Variants in CYFIP2 observed in about 807,000 individuals in gnomAD.
CYFIP2 encodes cytoplasmic FMR1-interacting protein 2.
In CYFIP2, 29 loss-of-function variants were observed where a neutral mutation model predicts 158.7. The ratio of observed to expected loss-of-function variants is 0.18; its 90% CI spans 0.14 to 0.25. The LOEUF (loss-of-function observed/expected upper bound fraction) is 0.25, where lower values mean the gene tolerates loss of function less well. Ranked by LOEUF, CYFIP2 falls within the 10% of genes least tolerant of loss-of-function variation. The pLI is 1.00. For missense variants in CYFIP2, 852 were observed against 1,639.5 expected (o/e 0.52, Z 8.29); for synonymous variants, 585 against 617.6 (o/e 0.95, Z 0.78).
chr5:157,373,292 G>A (rs976187270), intron 26 of CYFIP2, among the ~76,000 whole-genome samples: 3 of 152,208 alleles, frequency 2.0e-5, no homozygotes, highest in Admixed American at 6.5e-5. Flanking sequence ...ATCAGGGCAA[G>A]ACTGAATCCC....
intron 9 of CYFIP2, among the ~76,000 whole-genome samples, chr5:157,308,351 C>A (rs962049062): frequency 6.6e-6 from 1 of 152,160 alleles, no homozygotes; most frequent in Non-Finnish European, 1.5e-5. Context: ...CCTCAGCTTG[C>A]CCTTACCTCT....
chr5:157,313,481 A>G (rs1381705047), intron 11 of CYFIP2, among the ~76,000 whole-genome samples: 1 of 152,246 alleles, frequency 6.6e-6, no homozygotes, highest in African/African-American at 2.4e-5. Flanking sequence ...GCACAAAAAT[A>G]TAGAAAACAT....
At chr5:157,284,524 A>G (rs914747615) in intron 1 of CYFIP2, among the ~76,000 whole-genome samples, 4 of 152,188 alleles carry the variant, frequency 2.6e-5, no homozygotes, top group Non-Finnish European at 5.9e-5. Flanking sequence ...ATTAGTTTTT[A>G]AGCAGTGTTT....
At chr5:157,292,390 T>C (rs548043315) in intron 3 of CYFIP2, among the ~76,000 whole-genome samples, 219 of 152,194 alleles carry the variant, frequency 1.4e-3, no homozygotes, top group African/African-American at 4.9e-3. Flanking sequence ...CGGCTAACTT[T>C]GTATTTTTAG....
intron 8 of CYFIP2, among the ~76,000 whole-genome samples, chr5:157,305,444 C>A (rs1213843898): frequency 6.6e-6 from 1 of 152,204 alleles, no homozygotes; most frequent in African/African-American, 2.4e-5. Context: ...TTTGGAAAAT[C>A]TGGAATATAC....
In CYFIP2 at chr5:157,311,141, A is replaced by G; in HGVS notation, c.993-523A>G. 2.2e-6 allele frequency: 1 copy of G among 453,680 alleles called. No homozygotes were observed. Among genetic ancestry groups the G allele is most frequent in the Non-Finnish European group, 4.4e-6 (1 of 226,268 alleles). The allele number at this position is 453,680 out of a possible 1,614,324, so 28.1% of individuals were successfully genotyped here. On this transcript the variant is annotated intron_variant, in intron 10 of 30. Transcript: ENST00000620254. The surrounding 1 kb of genome is among the most constrained non-coding windows in gnomAD (Gnocchi z 4.7). ...GGGAGGGGCCACCCCCACGTCTCAGAGTGGCCCTGGCTTCTCCCACCACAG... is the reference window on the plus strand; with the variant it reads ...GGGAGGGGCCACCCCCACGTCTCAGGGTGGCCCTGGCTTCTCCCACCACAG...
intron 4 of CYFIP2, 51 bp downstream of exon 4, chr5:157,294,911 AC>A (rs1758130722): frequency 6.8e-7 from 1 of 1,463,956 alleles, no homozygotes; most frequent in South Asian, 1.2e-5. Context: ...GGCATTACTA[AC>A]CCCTACTTCA....
chr5:157,367,490 C>T (rs909307593), intron 26 of CYFIP2, among the ~76,000 whole-genome samples: 4 of 152,154 alleles, frequency 2.6e-5, no homozygotes, highest in Admixed American at 6.5e-5. Context: ...TGGATGAAAA[C>T]CAGATGTGCC....
At chr5:157,367,504 G>T (rs1205270023) in intron 26 of CYFIP2, among the ~76,000 whole-genome samples, 1 of 152,186 alleles carries the variant, frequency 6.6e-6, no homozygotes, top group Non-Finnish European at 1.5e-5. Flanking sequence ...ATGTGCCTTG[G>T]AGTCCAAAGA....
At chr5:157,303,589 G>A (rs1432156820) in intron 7 of CYFIP2, among the ~76,000 whole-genome samples, 1 of 152,158 alleles carries the variant, frequency 6.6e-6, no homozygotes, top group Non-Finnish European at 1.5e-5. Context: ...AGGCCCTTGG[G>A]TTGACAGGGC....
At chr5:157,360,848 G>T (rs747606250) in intron 25 of CYFIP2, among the ~76,000 whole-genome samples, 2 of 152,182 alleles carry the variant, frequency 1.3e-5, no homozygotes, top group African/African-American at 2.4e-5. Flanking sequence ...TGAAAACAGG[G>T]CCTGGAGAAG....
intron 8 of CYFIP2, among the ~76,000 whole-genome samples, chr5:157,305,420 G>A (rs1759131579): frequency 6.6e-6 from 1 of 152,196 alleles, no homozygotes. Flanking sequence ...TTCCAGAATT[G>A]TCATATGTAT....
intron 5 of CYFIP2, among the ~76,000 whole-genome samples, chr5:157,298,854 G>A (rs941597782): frequency 2.0e-5 from 3 of 152,116 alleles, no homozygotes; most frequent in Non-Finnish European, 4.4e-5. Flanking sequence ...TCTTCAGTTA[G>A]CATTATGTTT....
At chr5:157,339,680 G>GT (rs1561743611) in intron 22 of CYFIP2, among the ~76,000 whole-genome samples, 1 of 152,230 alleles carries the variant, frequency 6.6e-6, no homozygotes, top group Non-Finnish European at 1.5e-5. Context: ...CATGACAGTG[G>GT]TAACAGTACC....
chr5:157,343,300 C>G (rs776189689), intron 23 of CYFIP2: 1 of 1,614,202 alleles, frequency 6.2e-7, no homozygotes, highest in Non-Finnish European at 8.5e-7. Flanking sequence ...AGGCAGCCTT[C>G]TTACAGCTGA....
At chr5:157,362,066 C>G (rs1471717954) in intron 26 of CYFIP2, among the ~76,000 whole-genome samples, 1 of 152,180 alleles carries the variant, frequency 6.6e-6, no homozygotes, top group Non-Finnish European at 1.5e-5. Flanking sequence ...ATTGGTTTAG[C>G]CCAAAGGGGC....
In CYFIP2 at chr5:157,390,534, G is replaced by A. The variant is rs2113558069; in HGVS notation, c.3460G>A (p.Asp1154Asn). 1.9e-6 allele frequency: 3 copies of A among 1,549,472 alleles called. No individual in the cohort carries two copies. Among genetic ancestry groups the A allele is most frequent in the Non-Finnish European group, 1.7e-6 (2 of 1,146,300 alleles). The change falls in exon 30 of 31, where the codon GAT (aspartate) becomes AAT (asparagine). Residue 1154 changes from aspartate (D) to asparagine (N), a missense_variant. Physicochemically the swap from Asp to Asn is conservative, Grantham distance 23. This residue lies in a region of CYFIP2 where 223 missense variants were observed against 381.6 expected (regional missense o/e 0.58). Transcript: ENST00000620254. Reference protein sequence around the residue: ...NEFTAEQCFGDGLNWAGCSII... With the variant: ...NEFTAEQCFGNGLNWAGCSII... ...CCCTGCTCCCAGGCAGTGTTTCGGC[G>A]ATGGCTTGAACTGGGCTGGTTGCTC...
At chr5:157,353,701 A>G (rs1477037020) in intron 23 of CYFIP2, among the ~76,000 whole-genome samples, 1 of 152,176 alleles carries the variant, frequency 6.6e-6, no homozygotes, top group Non-Finnish European at 1.5e-5. Context: ...ATTTTAGGGA[A>G]TTGAGCTGCA....
chr5:157,284,691 C>G (rs1251456880), intron 1 of CYFIP2, among the ~76,000 whole-genome samples: 1 of 152,172 alleles, frequency 6.6e-6, no homozygotes, highest in Non-Finnish European at 1.5e-5. Context: ...GTGCCAGGGT[C>G]TAAGACACAG....
Sources: allele counts gnomAD v4.1 joint callset (sites outside exome capture counted in the v4.1 genomes callset), GRCh38; gene constraint gnomAD v4.1.1; regional missense constraint gnomAD v4.1.1; non-coding constraint Gnocchi (gnomAD v3.1); transcripts MANE v1.5; gene names NCBI Gene and HGNC (gene_info 2026-07-23, HGNC 2026-07-21).